CNOT6L: variants seen among roughly 807,000 people sequenced by gnomAD.
CNOT6L encodes the protein CCR4-NOT transcription complex subunit 6-like.
CNOT6L carries 7 observed loss-of-function variants against 64.0 expected under a neutral mutation model. The ratio of observed to expected loss-of-function variants is 0.11; its 90% confidence interval spans 0.06 to 0.21. The LOEUF is 0.21. Ranked by LOEUF, CNOT6L falls within the 10% of genes least tolerant of loss-of-function variation. The probability of loss-of-function intolerance (pLI) is 1.00; values close to 1 mark genes in which losing one functional copy is unlikely to be tolerated. For synonymous variants in CNOT6L, 193 were observed against 243.4 expected (o/e 0.79, Z 1.93); for missense variants, 245 against 669.0 (o/e 0.37, Z 6.99).
chr4:77,816,692 T>C (rs1265003077), intron 1 of CNOT6L, among the ~76,000 whole-genome samples: 1 of 152,202 alleles, frequency 6.6e-6, no homozygotes, highest in Non-Finnish European at 1.5e-5. Flanking sequence ...TTATCATTAT[T>C]GATACAAATA....
chr4:77,768,917 CCTCT>C (rs1444594111), intron 4 of CNOT6L, among the ~76,000 whole-genome samples: 1 of 152,080 alleles, frequency 6.6e-6, no homozygotes, highest in Non-Finnish European at 1.5e-5. Context: ...GATGTACAGA[CCTCT>C]ACATCCCCAT....
At chr4:77,797,049 G>A (rs868157382) in intron 1 of CNOT6L, among the ~76,000 whole-genome samples, 2 of 135,912 alleles carry the variant, frequency 1.5e-5, no homozygotes, top group Admixed American at 8.2e-5. Flanking sequence ...TGCCGCTGCA[G>A]TGAGCCGTGA....
chr4:77,748,881 T>C (rs1370447543), intron 5 of CNOT6L, among the ~76,000 whole-genome samples: 1 of 152,152 alleles, frequency 6.6e-6, no homozygotes, highest in Non-Finnish European at 1.5e-5. Flanking sequence ...AAACAAGAGA[T>C]AAGGATAGAA....
At chr4:77,737,403 G>GTTTTTTTTTTTTTTTTTTTTTTTTTTT (rs1723076948) in intron 8 of CNOT6L, among the ~76,000 whole-genome samples, 1 of 116,048 alleles carries the variant, frequency 8.6e-6, no homozygotes, top group African/African-American at 3.4e-5. Context: ...TATTTGTACC[G>GTTTTTTTTTTTTTTTTTTTTTTTTTTT]TTCTTTTTTT....
intron 4 of CNOT6L, among the ~76,000 whole-genome samples, chr4:77,772,249 T>C (rs1206873361): frequency 6.6e-6 from 1 of 152,216 alleles, no homozygotes; most frequent in Admixed American, 6.5e-5. Flanking sequence ...TTTTTTTTCT[T>C]GAGACGGAGT....
intron 10 of CNOT6L, among the ~76,000 whole-genome samples, chr4:77,728,363 G>A (rs867975467): frequency 3.3e-5 from 5 of 152,106 alleles, no homozygotes; most frequent in East Asian, 3.9e-4. Context: ...ATCCCTCCCC[G>A]CTCTAGCTTT....
At chr4:77,759,332 G>A (rs751948075) in intron 4 of CNOT6L, among the ~76,000 whole-genome samples, 34 of 151,844 alleles carry the variant, frequency 2.2e-4, no homozygotes, top group Non-Finnish European at 3.4e-4. Flanking sequence ...TTGGGAGGCC[G>A]AGGCGGGTGG....
At chr4:77,769,951 C>A (rs2110047345) in intron 4 of CNOT6L, among the ~76,000 whole-genome samples, 1 of 152,206 alleles carries the variant, frequency 6.6e-6, no homozygotes, top group South Asian at 2.1e-4. Flanking sequence ...GACATGAATT[C>A]TAAATTCTTT....
At chr4:77,815,643 C>G (rs1198796708) in intron 1 of CNOT6L, among the ~76,000 whole-genome samples, 1 of 152,186 alleles carries the variant, frequency 6.6e-6, no homozygotes, top group Non-Finnish European at 1.5e-5. Context: ...ATTTCCCACT[C>G]CCCTTGCATT....
intron 1 of CNOT6L, among the ~76,000 whole-genome samples, chr4:77,804,639 T>C (rs1490439984): frequency 6.6e-6 from 1 of 151,938 alleles, no homozygotes; most frequent in Admixed American, 6.6e-5. Context: ...AAATATGAGG[T>C]TTCTTTTGTG....
At chr4:77,731,107 T>C (rs1319847468) in intron 9 of CNOT6L, among the ~76,000 whole-genome samples, 1 of 151,910 alleles carries the variant, frequency 6.6e-6, no homozygotes, top group African/African-American at 2.4e-5. Context: ...ACCAAAATAT[T>C]CCCTATTTAA....
intron 1 of CNOT6L, among the ~76,000 whole-genome samples, chr4:77,811,117 G>C (rs1299804931): frequency 6.6e-6 from 1 of 152,092 alleles, no homozygotes; most frequent in Non-Finnish European, 1.5e-5. Flanking sequence ...AAGCTATTCA[G>C]TAAGAAATTC....
chr4:77,747,136 G>A (rs888985173), intron 6 of CNOT6L, among the ~76,000 whole-genome samples: 7 of 151,528 alleles, frequency 4.6e-5, no homozygotes, highest in African/African-American at 1.7e-4. Flanking sequence ...TATATATAAA[G>A]TCTAATTGTG....
Position 77,818,984 on chromosome 4 carries a change from C to T in CNOT6L, c.5+320G>A, listed in dbSNP as rs1360035761. ...AGGAGCAGCTCTCACCTGCGAGGCT[C>T]GGGAGCCGCAGCCACAAAGCGGGAG... On this transcript the variant is annotated intron_variant, in intron 1 of 11. Coordinates refer to ENST00000504123, the MANE Select transcript of CNOT6L (RefSeq NM_144571.3). 1.0e-5 allele frequency: 7 copies of T among 668,546 alleles called. No homozygotes were observed. In the South Asian group the frequency reaches 1.1e-4, roughly 10 times the overall value. 41.4% of individuals were successfully genotyped at this position (668,546 alleles called of 1,614,324 possible). A position where few individuals can be genotyped will look rare whatever the true frequency, so the allele number is the denominator to read the frequency against.
chr4:77,791,026 C>A (rs1237049342), intron 1 of CNOT6L, among the ~76,000 whole-genome samples: 1 of 151,856 alleles, frequency 6.6e-6, no homozygotes, highest in Non-Finnish European at 1.5e-5. Flanking sequence ...ACCTGTAATC[C>A]CAGCACTTCG....
chr4:77,724,422 T>C (rs1395031889), intron 11 of CNOT6L, among the ~76,000 whole-genome samples: 1 of 151,892 alleles, frequency 6.6e-6, no homozygotes, highest in African/African-American at 2.4e-5. Context: ...GCAGATGGCC[T>C]GAACCCAGGA....
chr4:77,817,048 C>T (rs1733661380), intron 1 of CNOT6L, among the ~76,000 whole-genome samples: 3 of 152,042 alleles, frequency 2.0e-5, no homozygotes, highest in African/African-American at 7.2e-5. Flanking sequence ...TAGCATTTTT[C>T]GTAGCATTTA....
chr4:77,778,891 C>CA (rs1465712872), intron 1 of CNOT6L, among the ~76,000 whole-genome samples: 1 of 151,124 alleles, frequency 6.6e-6, no homozygotes, highest in Non-Finnish European at 1.5e-5. Context: ...AAAAAAAATA[C>CA]AAAAAATTAG....
At chr4:77,743,178 C>T (rs1723784840) in intron 7 of CNOT6L, among the ~76,000 whole-genome samples, 1 of 152,070 alleles carries the variant, frequency 6.6e-6, no homozygotes, top group African/African-American at 2.4e-5. Context: ...TATTTCCCTC[C>T]ATCATGCTTT....
Sources: gnomAD v4.1 joint callset for allele counts (sites outside exome capture counted in the v4.1 genomes callset) on GRCh38, gnomAD v4.1.1 for gene constraint, MANE v1.5 for transcripts, NCBI Gene and HGNC (gene_info 2026-07-23, HGNC 2026-07-21) for gene names.